KREMEN1: variants seen among roughly 807,000 people sequenced by gnomAD.
KREMEN1 encodes kremen protein 1.
A neutral mutation model predicts 46.5 loss-of-function variants in KREMEN1; 30 were observed. That is an observed-to-expected ratio of 0.65 (90% confidence interval 0.48 to 0.88). The LOEUF (loss-of-function observed/expected upper bound fraction) is 0.88. KREMEN1 is among the 40% of genes least tolerant of loss of function. KREMEN1 has a pLI of 0.00. For synonymous variants in KREMEN1, 214 were observed against 230.6 expected (o/e 0.93, Z 0.65); for missense variants, 533 against 596.9 (o/e 0.89, Z 1.11).
Position 29,142,373 on chromosome 22 carries a change from T to C in KREMEN1, c.*261T>C, listed in dbSNP as rs2038778512. 8.6e-7 allele frequency: 1 copy of C among 1,166,412 alleles called. No individual in the cohort carries two copies. Among genetic ancestry groups the C allele is most frequent in the African/African-American group, 1.6e-5 (1 of 63,078 alleles). 72.3% of individuals were successfully genotyped at this position (1,166,412 alleles called of 1,614,324 possible). A position where few individuals can be genotyped will look rare whatever the true frequency, so the allele number is the denominator to read the frequency against. ...GCCCGGCCCTCTCTGCATCTCTCTC[T>C]GATCTAGCTAGCAGTGGGGGTGTCA... On this transcript the variant is annotated 3_prime_UTR_variant, in exon 9 of 9. Transcript: ENST00000400335.
exon 10 of KREMEN1, chr22:29,167,148 A>G (rs2039059512): frequency 2.7e-6 from 4 of 1,476,920 alleles, no homozygotes; most frequent in Non-Finnish European, 3.7e-6. Context: ...CTGGGTGGCA[A>G]TTTCAGAGGG....
chr22:29,167,056 T>A (rs2039058662), exon 10 of KREMEN1: 1 of 1,551,506 alleles, frequency 6.4e-7, no homozygotes, highest in African/African-American at 1.4e-5. Flanking sequence ...AATTCAGGAC[T>A]CGGAAGTGAC....
intron 1 of KREMEN1, among the ~76,000 whole-genome samples, chr22:29,086,030 T>TTG (rs1556001983): frequency 6.6e-6 from 1 of 150,548 alleles, no homozygotes; most frequent in African/African-American, 2.4e-5. Context: ...GGTGAGGTTT[T>TTG]TTTTTTTTTT....
Position 29,146,805 on chromosome 22 carries a change from C to T in KREMEN1, c.*4693C>T, listed in dbSNP as rs1027036278. 5.2e-6 allele frequency: 5 copies of T among 970,328 alleles called. No individual in the cohort carries two copies. In the African/African-American group the frequency reaches 7.0e-5, roughly 14 times the overall value. The allele number at this position is 970,328 out of a possible 1,614,324, so 60.1% of individuals were successfully genotyped here. A position where few individuals can be genotyped will look rare whatever the true frequency, so the allele number is the denominator to read the frequency against. On this transcript the variant is annotated 3_prime_UTR_variant, in exon 9 of 9. Coordinates refer to ENST00000400335, the MANE Select transcript of KREMEN1 (RefSeq NM_001039570.3). Reference sequence around the variant, plus strand: ...ACTTTCTGGAAAAAATAAATATTCTCATTGTTGTAGAAAGAGTGATGGGCC... The same window carrying T: ...ACTTTCTGGAAAAAATAAATATTCTTATTGTTGTAGAAAGAGTGATGGGCC...
intron 7 of KREMEN1, among the ~76,000 whole-genome samples, chr22:29,140,074 T>C (rs1318658505): frequency 6.6e-6 from 1 of 152,168 alleles, no homozygotes; most frequent in African/African-American, 2.4e-5. Flanking sequence ...GAGAGTGACT[T>C]GTAGAACAAA....
chr22:29,085,459 C>A (rs1450003103), intron 1 of KREMEN1, among the ~76,000 whole-genome samples: 1 of 151,880 alleles, frequency 6.6e-6, no homozygotes, highest in Admixed American at 6.6e-5. Context: ...ACCATTATTA[C>A]ACGTAGAAAA....
intron 5 of KREMEN1, among the ~76,000 whole-genome samples, chr22:29,133,691 A>C (rs892120951): frequency 7.4e-5 from 11 of 147,996 alleles, no homozygotes; most frequent in Non-Finnish European, 3.0e-5. Flanking sequence ...TTTTGTTTTT[A>C]ATTTTTTTGT....
chr22:29,141,979 A>C lies in KREMEN1; in HGVS notation c.1244A>C (p.Asp415Ala). 6.2e-7 allele frequency: 1 copy of C among 1,611,688 alleles called. No homozygotes were observed. The highest frequency in any genetic ancestry group is 2.2e-5 in the East Asian group (1 of 44,784). Residue 415 changes from aspartate to alanine, a missense_variant, in exon 9 of 9, where the codon GAT (aspartate) becomes GCT (alanine). Physicochemically the swap from Asp to Ala is moderately radical, Grantham distance 126 (BLOSUM62 -2). Transcript: ENST00000400335. The part of the protein sequence containing the change: ...HRVPASGDLR[D>A]CHQPGTSGEI... ...GTTCCTGCTTCAGGGGACCTTAGGGATTGTCATCAACCAGGGACTTCGGGG... is the reference window on the plus strand; with the variant it reads ...GTTCCTGCTTCAGGGGACCTTAGGGCTTGTCATCAACCAGGGACTTCGGGG...
intron 5 of KREMEN1, among the ~76,000 whole-genome samples, chr22:29,134,326 T>A (rs2038621951): frequency 6.6e-6 from 1 of 151,902 alleles, no homozygotes; most frequent in South Asian, 2.1e-4. Context: ...CCTGGCTAAT[T>A]TTAAAATTTT....
chr22:29,139,689 C>A (rs920441400), intron 7 of KREMEN1, among the ~76,000 whole-genome samples: 3 of 152,216 alleles, frequency 2.0e-5, no homozygotes, highest in African/African-American at 7.2e-5. Flanking sequence ...AGGAGGATTG[C>A]TTGAGCCCAG....
Position 29,146,497 on chromosome 22 carries a change from C to A in KREMEN1, c.*4385C>A, listed in dbSNP as rs968575382. 4.2e-5 allele frequency: 41 copies of A among 985,546 alleles called. 1 individual carries two copies. The African/African-American group carries it at 4.4e-4, about 10-fold the overall frequency. The allele number at this position is 985,546 out of a possible 1,614,324, so 61.1% of individuals were successfully genotyped here. ...TAGACACAAAGACTGGAGGCCCTTC[C>A]CCGCCCGCACGGGAGCTGCCATCGT... On this transcript the variant is annotated 3_prime_UTR_variant, in exon 9 of 9. Transcript: ENST00000400335.
At chr22:29,092,782 C>T (rs1017393715) in intron 1 of KREMEN1, among the ~76,000 whole-genome samples, 1 of 152,152 alleles carries the variant, frequency 6.6e-6, no homozygotes, top group Admixed American at 6.5e-5. Flanking sequence ...TTGAGACCAG[C>T]CTGGCCAACA....
intron 8 of KREMEN1, among the ~76,000 whole-genome samples, chr22:29,141,254 CA>C (rs1199234806): frequency 2.1e-5 from 3 of 140,472 alleles, no homozygotes; most frequent in Non-Finnish European, 4.7e-5. Flanking sequence ...TGTGTGTCTG[CA>C]TGTGCATGTG....
At chr22:29,105,478 T>TACACACACACACACACACACACACAC (rs10642386) in intron 3 of KREMEN1, among the ~76,000 whole-genome samples, 13 of 146,998 alleles carry the variant, frequency 8.8e-5, no homozygotes, top group Non-Finnish European at 1.5e-4. Flanking sequence ...CACACACACA[T>TACACACACACACACACACACACACAC]ACACACACAC....
chr22:29,083,042 T>TG (rs2037679679), intron 1 of KREMEN1, among the ~76,000 whole-genome samples: 1 of 152,140 alleles, frequency 6.6e-6, no homozygotes, highest in African/African-American at 2.4e-5. Context: ...CCCGAGTAGC[T>TG]GGGAGGTACC....
intron 1 of KREMEN1, among the ~76,000 whole-genome samples, chr22:29,080,100 A>G (rs2037630722): frequency 6.6e-6 from 1 of 152,224 alleles, no homozygotes; most frequent in Non-Finnish European, 1.5e-5. Context: ...GGGGAAATAA[A>G]CAGGATGGGG....
intron 9 of KREMEN1, among the ~76,000 whole-genome samples, chr22:29,156,167 T>C (rs469982): frequency 0.96 from 146,914 of 152,280 alleles, 70,903 homozygotes; most frequent in East Asian, 1. Context: ...TATTCTGCTG[T>C]CCAGCATCAC....
At chr22:29,132,951 T>G (rs1287508821) in intron 5 of KREMEN1, among the ~76,000 whole-genome samples, 1 of 152,182 alleles carries the variant, frequency 6.6e-6, no homozygotes, top group Non-Finnish European at 1.5e-5. Flanking sequence ...CTTCAAGATT[T>G]TATCTTTGGT....
chr22:29,100,361 G>A lies in KREMEN1; in HGVS notation c.352+1408G>A, dbSNP rs1328427617. Among the ~76,000 whole-genome samples the A allele has an allele frequency of 3.9e-5, 6 of 152,074 alleles. No homozygotes were observed. The South Asian group carries it at 6.2e-4, about 16-fold the overall frequency. On this transcript the variant is annotated intron_variant, in intron 3 of 8. Transcript: ENST00000400335. ...ACTCCTGACCTCAGGTGATCCGCCC[G>A]CCTTGGCCTCCCAAAGTGCTGGGAT...
Sources: allele counts gnomAD v4.1 joint callset (sites outside exome capture counted in the v4.1 genomes callset), GRCh38; gene constraint gnomAD v4.1.1; transcripts MANE v1.5; gene names NCBI Gene and HGNC (gene_info 2026-07-23, HGNC 2026-07-21).